The following PITPNB variants were observed in gnomAD, a reference collection of about 807,000 sequenced individuals.
PITPNB encodes the protein phosphatidylinositol transfer protein beta isoform.
In PITPNB, 16 loss-of-function variants were observed where a neutral mutation model predicts 45.9. The ratio of observed to expected loss-of-function variants is 0.35; its 90% CI spans 0.24 to 0.53. PITPNB has a LOEUF of 0.53. PITPNB is among the 20% of genes least tolerant of loss of function. PITPNB has a pLI of 0.93. For synonymous variants in PITPNB, 112 were observed against 108.9 expected (o/e 1.03, Z -0.18); for missense variants, 188 against 330.5 (o/e 0.57, Z 3.34).
intron 6 of PITPNB, 92 bp from the exon 7 acceptor site, chr22:27,894,730 A>T (rs1935385731): frequency 3.0e-6 from 2 of 658,932 alleles, no homozygotes; most frequent in Non-Finnish European, 5.2e-6. Context: ...CTCTCAGGGG[A>T]CATTATAGGG....
chr22:27,908,146 T>A (rs1335710661), intron 3 of PITPNB, among the ~76,000 whole-genome samples: 3 of 151,842 alleles, frequency 2.0e-5, no homozygotes, highest in Non-Finnish European at 4.4e-5. Context: ...ACTGGAGTGT[T>A]ACCTAAATCA....
chr22:27,909,207 C>CTTTTT (rs34224616), intron 3 of PITPNB, among the ~76,000 whole-genome samples: 8 of 82,238 alleles, frequency 9.7e-5, no homozygotes, highest in Non-Finnish European at 1.3e-4. Context: ...ACTGGTAGTA[C>CTTTTT]TTTTTTTTTT....
intron 7 of PITPNB, among the ~76,000 whole-genome samples, chr22:27,880,960 C>A (rs546213978): frequency 6.6e-6 from 1 of 152,270 alleles, no homozygotes; most frequent in South Asian, 2.1e-4. Context: ...TAAGCAAGCA[C>A]GACATAAGCA....
At chr22:27,893,376 C>T (rs2146397390) in intron 7 of PITPNB, among the ~76,000 whole-genome samples, 1 of 151,748 alleles carries the variant, frequency 6.6e-6, no homozygotes, top group East Asian at 1.9e-4. Context: ...GCTCCGCCTC[C>T]CGGGCTCATG....
intron 2 of PITPNB, among the ~76,000 whole-genome samples, chr22:27,912,092 A>C (rs1935944383): frequency 6.6e-6 from 1 of 152,230 alleles, no homozygotes. Flanking sequence ...CTTTATAAGC[A>C]TATTTTCAAA....
At chr22:27,858,883 T>C (rs1934242415) in intron 9 of PITPNB, among the ~76,000 whole-genome samples, 1 of 152,224 alleles carries the variant, frequency 6.6e-6, no homozygotes, top group South Asian at 2.1e-4. Context: ...TAAAACTATA[T>C]ATTGTCATTC....
At chr22:27,875,802 C>T (rs1010135483) in intron 7 of PITPNB, among the ~76,000 whole-genome samples, 16 of 152,174 alleles carry the variant, frequency 1.1e-4, no homozygotes, top group African/African-American at 3.9e-4. Flanking sequence ...TAAAAGAGAA[C>T]TAACACAGTT....
At chr22:27,913,013 G>A (rs1231878760) in intron 2 of PITPNB, among the ~76,000 whole-genome samples, 3 of 151,200 alleles carry the variant, frequency 2.0e-5, no homozygotes, top group East Asian at 1.9e-4. Context: ...AGGTGGGGGG[G>A]GGAGTATAAC....
At chr22:27,877,661 C>A (rs1410986974) in intron 7 of PITPNB, among the ~76,000 whole-genome samples, 1 of 152,132 alleles carries the variant, frequency 6.6e-6, no homozygotes, top group Non-Finnish European at 1.5e-5. Context: ...ACAGTGGCTG[C>A]CCCCAAAAAT....
chr22:27,902,961 C>A (rs930579802), intron 3 of PITPNB, among the ~76,000 whole-genome samples: 1 of 151,994 alleles, frequency 6.6e-6, no homozygotes, highest in South Asian at 2.1e-4. Context: ...GAAATCCTGG[C>A]CTCAAGCAAT....
intron 10 of PITPNB, among the ~76,000 whole-genome samples, chr22:27,856,128 T>C (rs1190343107): frequency 6.6e-6 from 1 of 152,196 alleles, no homozygotes; most frequent in African/African-American, 2.4e-5. Flanking sequence ...CACCACTTAA[T>C]GGTGAAATTT....
intron 1 of PITPNB, among the ~76,000 whole-genome samples, chr22:27,917,791 A>G (rs1216684923): frequency 6.6e-6 from 1 of 152,222 alleles, no homozygotes; most frequent in Non-Finnish European, 1.5e-5. Flanking sequence ...GAGAAAAATA[A>G]TAATAATAAA....
intron 1 of PITPNB, among the ~76,000 whole-genome samples, chr22:27,915,476 A>C (rs1936049750): frequency 2.6e-5 from 4 of 152,022 alleles, no homozygotes. Context: ...CATTCCAGCT[A>C]CACTTTCCAT....
At chr22:27,900,255 A>C (rs1205320471) in intron 3 of PITPNB, among the ~76,000 whole-genome samples, 1 of 152,000 alleles carries the variant, frequency 6.6e-6, no homozygotes, top group Non-Finnish European at 1.5e-5. Context: ...CAGGAGAAAC[A>C]ATTCTGTATT....
chr22:27,907,206 T>C (rs560730899), intron 3 of PITPNB, among the ~76,000 whole-genome samples: 8 of 152,366 alleles, frequency 5.3e-5, no homozygotes, highest in Non-Finnish European at 1.2e-4. Flanking sequence ...CTAGGGACTA[T>C]GGGTATGTCT....
At chr22:27,898,176 G>A (rs1935487769) in intron 3 of PITPNB, 1 of 322,840 alleles carries the variant, frequency 3.1e-6, no homozygotes, top group South Asian at 3.0e-5. Flanking sequence ...AGGAGTTTGA[G>A]ACTAGCCTGG....
intron 7 of PITPNB, among the ~76,000 whole-genome samples, chr22:27,891,049 T>G (rs745880545): frequency 6.6e-6 from 1 of 152,088 alleles, no homozygotes; most frequent in Non-Finnish European, 1.5e-5. Flanking sequence ...AGAAAACAGG[T>G]TAGCAGTTGC....
At chr22:27,914,432 A>G in intron 1 of PITPNB, 85 bp from the exon 2 acceptor site, 1 of 787,340 alleles carries the variant, frequency 1.3e-6, no homozygotes, top group Non-Finnish European at 2.1e-6. Flanking sequence ...CCTTAAATCC[A>G]ATGATAACAG....
At chr22:27,890,745 C>T (rs899701452) in intron 7 of PITPNB, among the ~76,000 whole-genome samples, 5 of 152,284 alleles carry the variant, frequency 3.3e-5, no homozygotes, top group South Asian at 2.1e-4. Flanking sequence ...ACCCCGGAGG[C>T]GGAGCTTGCA....
Sources: gnomAD v4.1 joint callset for allele counts (sites outside exome capture counted in the v4.1 genomes callset) on GRCh38, gnomAD v4.1.1 for gene constraint, MANE v1.5 for transcripts, NCBI Gene and HGNC (gene_info 2026-07-23, HGNC 2026-07-21) for gene names.